Variants in SLC25A36 observed in about 807,000 individuals in gnomAD.
SLC25A36 encodes epididymis secretory sperm binding protein.
In SLC25A36, 24 loss-of-function variants were observed where a neutral mutation model predicts 35.3. That is an observed-to-expected ratio of 0.68 (90% CI 0.49 to 0.96). SLC25A36 has a LOEUF of 0.96. Among genes scored for constraint, SLC25A36 ranks in the 40% least tolerant of loss-of-function variants. The pLI is 0.00. For synonymous variants in SLC25A36, 141 were observed against 132.2 expected (o/e 1.07, Z -0.46); for missense variants, 294 against 381.1 (o/e 0.77, Z 1.90).
chr3:140,967,122 G>C, intron 4 of SLC25A36: 1 of 447,606 alleles, frequency 2.2e-6, no homozygotes, highest in Admixed American at 2.4e-5. Flanking sequence ...ATTAGAAGGC[G>C]GGAAATTAAC....
At chr3:140,942,288 G>A (rs977653062) in intron 1 of SLC25A36, among the ~76,000 whole-genome samples, 193 bp downstream of exon 1, 1 of 150,986 alleles carries the variant, frequency 6.6e-6, no homozygotes, top group African/African-American at 2.4e-5. Context: ...CTCCGGTTCG[G>A]GGAAGCAAGG....
chr3:140,968,283 C>T, intron 4 of SLC25A36: 1 of 821,416 alleles, frequency 1.2e-6, no homozygotes, highest in South Asian at 5.6e-5. Context: ...GGGCTAATAG[C>T]TAAAACTGTG....
intron 5 of SLC25A36, among the ~76,000 whole-genome samples, chr3:140,971,948 A>G (rs1465443770): frequency 1.3e-5 from 2 of 152,190 alleles, no homozygotes; most frequent in Non-Finnish European, 1.5e-5. Context: ...CTGCTTAAAT[A>G]TCTGTTTTCC....
intron 1 of SLC25A36, among the ~76,000 whole-genome samples, chr3:140,945,089 G>A (rs13100471): frequency 0.14 from 20,873 of 152,112 alleles, 2,391 homozygotes; most frequent in African/African-American, 0.32. Flanking sequence ...AGTCCTGAAG[G>A]CTGGGAAGTT....
chr3:140,956,847 A>C, intron 2 of SLC25A36, 156 bp downstream of exon 2: 2 of 1,195,286 alleles, frequency 1.7e-6, no homozygotes, highest in South Asian at 6.3e-5. Flanking sequence ...GATAATCCCT[A>C]ATGGAGAAGA....
At chr3:140,973,521 T>C (rs1480124729) in intron 5 of SLC25A36, 195 bp from the exon 6 acceptor site, 1 of 408,256 alleles carries the variant, frequency 2.4e-6, no homozygotes, top group African/African-American at 2.0e-5. Context: ...TAAAATAAAC[T>C]ATTTACATAT....
At chr3:140,948,520 A>C (rs1934229673) in intron 1 of SLC25A36, among the ~76,000 whole-genome samples, 1 of 152,160 alleles carries the variant, frequency 6.6e-6, no homozygotes, top group South Asian at 2.1e-4. Context: ...TGCCCTAAGT[A>C]GAGTATCACT....
In SLC25A36 at chr3:140,980,123, A is replaced by ACC. The variant is rs1276917998; in HGVS notation, c.*3672_*3673dup. Among the ~76,000 whole-genome samples, 4 of 152,180 alleles carry ACC rather than the reference A, an allele frequency of 2.6e-5. No individual in the cohort carries two copies. In the East Asian group the frequency reaches 7.7e-4, roughly 29 times the overall value. On this transcript the variant is annotated 3_prime_UTR_variant, in exon 7 of 7. Transcript: ENST00000324194. Reference sequence around the variant, plus strand: ...GTTAGATCTAGTGATGTCTGAAGGAACCCAAAGGTCAAGTAATCCAACTCC... The same window carrying ACC: ...GTTAGATCTAGTGATGTCTGAAGGAACCCCCAAAGGTCAAGTAATCCAACTCC...
intron 3 of SLC25A36, 44 bp from the exon 4 acceptor site, chr3:140,963,083 G>T (rs374739253): frequency 1.7e-6 from 2 of 1,164,806 alleles, no homozygotes; most frequent in Admixed American, 2.6e-5. Flanking sequence ...TAAATCTTAC[G>T]CATTAAGAAC....
At chr3:140,962,674 T>C (rs898729469) in intron 3 of SLC25A36, among the ~76,000 whole-genome samples, 2 of 152,160 alleles carry the variant, frequency 1.3e-5, no homozygotes, top group East Asian at 3.8e-4. Context: ...GCTCATACCA[T>C]ATCTACTTAT....
In SLC25A36 at chr3:140,942,452, G is replaced by A. The variant is rs183301916; in HGVS notation, c.41+357G>A. ...CTGAGGAGACGCGGGCAAGAGCTGG[G>A]GTCGGCGCTTGATTACCCGGACGCC... On this transcript the variant is annotated intron_variant, in intron 1 of 6. Transcript: ENST00000324194. 798 of 191,186 alleles carry A rather than the reference G, an allele frequency of 4.2e-3. 22 individuals are homozygous for A. The highest frequency in any genetic ancestry group is 0.038 in the Admixed American group (625 of 16,390). The allele number at this position is 191,186 out of a possible 1,614,324, so 11.8% of individuals were successfully genotyped here.
At chr3:140,956,732 C>A (rs775030222) in intron 2 of SLC25A36, 41 bp downstream of exon 2, 14 of 1,527,980 alleles carry the variant, frequency 9.2e-6, no homozygotes, top group African/African-American at 1.4e-5. Flanking sequence ...AGTTTGTTTG[C>A]GTTAGTGAGT....
chr3:140,951,461 C>T (rs1262921950), intron 1 of SLC25A36, among the ~76,000 whole-genome samples: 1 of 152,106 alleles, frequency 6.6e-6, no homozygotes, highest in Non-Finnish European at 1.5e-5. Flanking sequence ...ACTTATGCCA[C>T]CCCCACCTCT....
At chr3:140,961,857 A>G (rs1431675694) in intron 3 of SLC25A36, among the ~76,000 whole-genome samples, 2 of 86,352 alleles carry the variant, frequency 2.3e-5, no homozygotes, top group Non-Finnish European at 4.1e-5. Flanking sequence ...CTCCGTCTCA[A>G]AAAAAAAAAA....
At chr3:140,960,239 C>A (rs1934593445) in intron 3 of SLC25A36, among the ~76,000 whole-genome samples, 1 of 152,084 alleles carries the variant, frequency 6.6e-6, no homozygotes, top group African/African-American at 2.4e-5. Flanking sequence ...GCAAAATACT[C>A]CTGATATTTT....
rs74628590 is a variant in SLC25A36, at chr3:140,963,245, T to TAA, written c.385+31_385+32dup. 4.7e-3 allele frequency: 5,377 copies of TAA among 1,150,174 alleles called. No individual in the cohort carries two copies. The highest frequency in any genetic ancestry group is 5.7e-3 in the South Asian group (361 of 63,700). The allele number at this position is 1,150,174 out of a possible 1,614,324, so 71.2% of individuals were successfully genotyped here. A position where few individuals can be genotyped will look rare whatever the true frequency, so the allele number is the denominator to read the frequency against. ...AATGGCAGGTATGAATGTATAATAT[T>TAA]AAAAAAAAAAAAAACTTTCTGAAAC... On this transcript the variant is annotated intron_variant, in intron 4 of 6. Transcript: ENST00000324194.
intron 1 of SLC25A36, among the ~76,000 whole-genome samples, chr3:140,943,128 G>C (rs766307173): frequency 6.6e-6 from 1 of 152,178 alleles, no homozygotes; most frequent in Admixed American, 6.5e-5. Flanking sequence ...GCAATTTTAA[G>C]AGTTACTTAT....
At position 140,978,348 on chromosome 3, in the gene SLC25A36, G is replaced by C. The variant is rs888395185; in HGVS notation, c.*1895G>C. The C allele has an allele frequency of 6.6e-6, 1 of 152,162 alleles. No individual in the cohort carries two copies. Among genetic ancestry groups the C allele is most frequent in the African/African-American group, 2.4e-5 (1 of 41,450 alleles). The allele number at this position is 152,162 out of a possible 1,614,324, so 9.4% of individuals were successfully genotyped here. On this transcript the variant is annotated 3_prime_UTR_variant, in exon 7 of 7. Coordinates refer to ENST00000324194, the MANE Select transcript of SLC25A36 (RefSeq NM_001104647.3). ...AAAACCGGTTTGTAACAAATCTGTAGAGAAGGTCTGAATCTATCGTGTTTG... is the reference window on the plus strand; with the variant it reads ...AAAACCGGTTTGTAACAAATCTGTACAGAAGGTCTGAATCTATCGTGTTTG...
chr3:140,944,376 C>T (rs1006765545), intron 1 of SLC25A36, among the ~76,000 whole-genome samples: 3 of 152,032 alleles, frequency 2.0e-5, no homozygotes, highest in African/African-American at 7.3e-5. Context: ...TTTAAGACAC[C>T]CTTTGATCCC....
Sources: allele counts gnomAD v4.1 joint callset (sites outside exome capture counted in the v4.1 genomes callset), GRCh38; gene constraint gnomAD v4.1.1; transcripts MANE v1.5; gene names NCBI Gene and HGNC (gene_info 2026-07-23, HGNC 2026-07-21).